ADRA1A: variants seen among roughly 807,000 people sequenced by gnomAD.
The protein encoded by ADRA1A is alpha-1A adrenergic receptor.
ADRA1A carries 31 observed loss-of-function variants against 29.6 expected under a neutral mutation model. The observed-to-expected ratio is 1.05, with a 90% CI of 0.79 to 1.41. The LOEUF is 1.41. ADRA1A is among the 40% of genes most tolerant of loss of function. The pLI is 0.00. For missense variants in ADRA1A, 619 were observed against 601.1 expected (o/e 1.03, Z -0.31); for synonymous variants, 311 against 254.3 (o/e 1.22, Z -2.12).
chr8:26,850,948 C>T (rs1273169495), intron 2 of ADRA1A, among the ~76,000 whole-genome samples: 1 of 152,176 alleles, frequency 6.6e-6, no homozygotes, highest in African/African-American at 2.4e-5. Flanking sequence ...ATGTCAATTA[C>T]AGGGCATGGC....
At chr8:26,795,055 T>A (rs1396087855) in intron 2 of ADRA1A, among the ~76,000 whole-genome samples, 1 of 152,118 alleles carries the variant, frequency 6.6e-6, no homozygotes, top group Non-Finnish European at 1.5e-5. Flanking sequence ...GAAACAATGA[T>A]CAGGGCAGTT....
intron 2 of ADRA1A, among the ~76,000 whole-genome samples, chr8:26,842,763 A>G (rs898272621): frequency 6.6e-6 from 1 of 152,006 alleles, no homozygotes; most frequent in Admixed American, 6.6e-5. Flanking sequence ...GAATAATATC[A>G]TCCCTGGTCT....
At chr8:26,768,464 G>A (rs1278849643), downstream of ADRA1A, among the ~76,000 whole-genome samples, 3 of 152,102 alleles carry the variant, frequency 2.0e-5, no homozygotes, top group African/African-American at 7.2e-5. Flanking sequence ...TTCATCCTTA[G>A]TAATCTATAG....
chr8:26,751,989 A>G (rs779902471), downstream of ADRA1A, among the ~76,000 whole-genome samples: 2 of 152,160 alleles, frequency 1.3e-5, no homozygotes, highest in Non-Finnish European at 2.9e-5. Flanking sequence ...GTTCAACAAC[A>G]TCATGTCGCT....
rs1026861019 is a variant in ADRA1A at position 26,860,848 on chromosome 8, A to G, written c.883+3239T>C. On this transcript the variant is annotated intron_variant, in intron 2 of 2. Transcript: ENST00000380573. The surrounding 1 kb of genome is among the most constrained non-coding windows in gnomAD (Gnocchi z 4.7). ...TCTATCCCATCGTTCCCATCAGAAT[A>G]TAAATATCATGTCATATCCCCACCT... Among the ~76,000 whole-genome samples the G allele has an allele frequency of 6.6e-6, 1 of 152,068 alleles. No individual in the cohort carries two copies. Among genetic ancestry groups the G allele is most frequent in the African/African-American group, 2.4e-5 (1 of 41,394 alleles).
rs144522134 is a variant in ADRA1A, at chr8:26,819,884, A to G, written c.883+44203T>C. Among the ~76,000 whole-genome samples, 310 of 152,352 alleles carry G rather than the reference A, an allele frequency of 2.0e-3. 2 individuals carry two copies. The highest frequency in any genetic ancestry group is 7.2e-3 in the African/African-American group (301 of 41,586). On this transcript the variant is annotated intron_variant, in intron 2 of 2. Transcript: ENST00000380573. Reference sequence around the variant, plus strand: ...AAAGACTAACTTTAGCTTTAAAGACACATCTGAAAGGGAAGTGATGGAAAA... The same window carrying G: ...AAAGACTAACTTTAGCTTTAAAGACGCATCTGAAAGGGAAGTGATGGAAAA...
intron 2 of ADRA1A, among the ~76,000 whole-genome samples, chr8:26,842,219 C>G (rs146814060): frequency 1.3e-5 from 2 of 152,228 alleles, no homozygotes; most frequent in African/African-American, 4.8e-5. Flanking sequence ...ATGCAGTTAG[C>G]CTGACTGCAA....
downstream of ADRA1A, among the ~76,000 whole-genome samples, chr8:26,767,985 C>T (rs61759734): frequency 2.0e-5 from 3 of 152,166 alleles, no homozygotes; most frequent in Non-Finnish European, 4.4e-5. Context: ...AGAGAGAGAA[C>T]AGAAGAGTCT....
downstream of ADRA1A, chr8:26,766,136 C>T (rs61759725): frequency 1.9e-5 from 31 of 1,608,258 alleles, no homozygotes; most frequent in Non-Finnish European, 2.6e-5. Flanking sequence ...GAAATATCTA[C>T]AATCCATTCC....
chr8:26,811,293 C>T (rs765129056), intron 2 of ADRA1A, among the ~76,000 whole-genome samples: 11 of 152,052 alleles, frequency 7.2e-5, no homozygotes, highest in African/African-American at 2.2e-4. Context: ...TCCAGGCTCA[C>T]GCCATTCTCC....
chr8:26,849,961 C>T (rs1812490998), intron 2 of ADRA1A, among the ~76,000 whole-genome samples: 1 of 130,880 alleles, frequency 7.6e-6, no homozygotes, highest in Non-Finnish European at 1.6e-5. Context: ...GGAACATGAA[C>T]TTGAGAAATT....
At chr8:26,811,231 C>T (rs573697029) in intron 2 of ADRA1A, among the ~76,000 whole-genome samples, 18 of 149,960 alleles carry the variant, frequency 1.2e-4, no homozygotes, top group African/African-American at 3.9e-4. Context: ...CTCGCTCTGT[C>T]GCACAGGCTG....
chr8:26,761,691 C>T (rs1008898272), downstream of ADRA1A, among the ~76,000 whole-genome samples: 2 of 152,158 alleles, frequency 1.3e-5, no homozygotes, highest in Non-Finnish European at 2.9e-5. Context: ...TTGAAGCCAC[C>T]CCATTTGTTA....
In ADRA1A at chr8:26,821,960, G is replaced by T. The variant is rs534878007; in HGVS notation, c.883+42127C>A. 3.3e-5 allele frequency among the ~76,000 whole-genome samples: 5 copies of T among 152,280 alleles called. No homozygotes were observed. Among genetic ancestry groups the T allele is most frequent in the African/African-American group, 1.2e-4 (5 of 41,554 alleles). ...TGCTATTTTTTATTGCTAAGTAGGGGTGTATTACCATTTGCTTAACCCTTC... is the reference window on the plus strand; with the variant it reads ...TGCTATTTTTTATTGCTAAGTAGGGTTGTATTACCATTTGCTTAACCCTTC... On this transcript the variant is annotated intron_variant, in intron 2 of 2. Transcript: ENST00000380573. The surrounding 1 kb of genome is among the most constrained non-coding windows in gnomAD (Gnocchi z 5.6).
intron 2 of ADRA1A, among the ~76,000 whole-genome samples, chr8:26,834,002 A>G (rs908567300): frequency 6.6e-6 from 1 of 152,244 alleles, no homozygotes; most frequent in Admixed American, 6.5e-5. Flanking sequence ...GGATAACTCA[A>G]AAGTTATTAG....
At position 26,769,965 on chromosome 8, in the gene ADRA1A, GAC is replaced by G; in HGVS notation, c.*182_*183del. 1 of 1,391,344 alleles carries G rather than the reference GAC, an allele frequency of 7.2e-7. No homozygotes were observed. Among genetic ancestry groups the G allele is most frequent in the Non-Finnish European group, 9.3e-7 (1 of 1,076,978 alleles). The allele number at this position is 1,391,344 out of a possible 1,614,324, so 86.2% of individuals were successfully genotyped here. A position where few individuals can be genotyped will look rare whatever the true frequency, so the allele number is the denominator to read the frequency against. On this transcript the variant is annotated 3_prime_UTR_variant, in exon 3 of 3. Transcript: ENST00000380573. Reference sequence around the variant, plus strand: ...ATCATTCTGAACTGGTTGGTTGTGAGACACCCTCCCTCTTCCCTGTGCCCTAC... The same window carrying G: ...ATCATTCTGAACTGGTTGGTTGTGAGACCCTCCCTCTTCCCTGTGCCCTAC...
At chr8:26,752,502 G>T (rs117733039), downstream of ADRA1A, among the ~76,000 whole-genome samples, 6,952 of 152,260 alleles carry the variant, frequency 0.046, 216 homozygotes, top group Non-Finnish European at 0.066. Flanking sequence ...ACAGCTGCCG[G>T]CATTTACCTA....
Position 26,831,635 on chromosome 8 carries a change from A to G in ADRA1A, c.883+32452T>C, listed in dbSNP as rs1810982977. On this transcript the variant is annotated intron_variant, in intron 2 of 2. Transcript: ENST00000380573. The surrounding 1 kb of genome is among the most constrained non-coding windows in gnomAD (Gnocchi z 5.2). The stretch of plus-strand genomic sequence containing the variant: ...CCTAAATTTGAGAATAGTCACTTCA[A>G]TCTTTCTTCTTTCCAGCCTGGGTAG... 6.6e-6 allele frequency among the ~76,000 whole-genome samples: 1 copy of G among 152,244 alleles called. No homozygotes were observed. The highest frequency in any genetic ancestry group is 2.4e-5 in the African/African-American group (1 of 41,470).
intron 2 of ADRA1A, among the ~76,000 whole-genome samples, chr8:26,858,774 A>T (rs1191191715): frequency 6.6e-6 from 1 of 152,236 alleles, no homozygotes; most frequent in African/African-American, 2.4e-5. Flanking sequence ...TCCAAAGTAT[A>T]AATGACTGTT....
Sources: allele counts gnomAD v4.1 joint callset (sites outside exome capture counted in the v4.1 genomes callset), GRCh38; gene constraint gnomAD v4.1.1; non-coding constraint Gnocchi (gnomAD v3.1); transcripts MANE v1.5; gene names NCBI Gene and HGNC (gene_info 2026-07-23, HGNC 2026-07-21).